The following VWC2L variants were observed in gnomAD, a reference collection of about 807,000 sequenced individuals.
VWC2L encodes von Willebrand factor C domain containing 2 like, also known as von Willebrand factor C domain-containing protein 2-like.
Under a neutral mutation model 21.6 loss-of-function variants are expected in VWC2L, and 10 were observed. The ratio of observed to expected loss-of-function variants is 0.46; its 90% CI spans 0.29 to 0.78. The LOEUF is 0.78. Ranked by LOEUF, VWC2L falls within the 30% of genes least tolerant of loss-of-function variation. The pLI is 0.10. For missense variants in VWC2L, 209 were observed against 277.1 expected, an observed-to-expected ratio of 0.75 and a Z score of 1.74; for synonymous variants, 96 against 94.3, an observed-to-expected ratio of 1.02 and a Z score of -0.10.
intron 3 of VWC2L, among the ~76,000 whole-genome samples, chr2:214,571,696 C>A (rs539214158): frequency 1.3e-5 from 2 of 152,172 alleles, no homozygotes; most frequent in South Asian, 2.1e-4. Flanking sequence ...TTAAACCATA[C>A]CTGACAGATA....
chr2:214,530,594 G>A (rs1244197871), intron 3 of VWC2L, among the ~76,000 whole-genome samples: 3 of 152,050 alleles, frequency 2.0e-5, no homozygotes, highest in Non-Finnish European at 4.4e-5. Flanking sequence ...TTGAGAAAGG[G>A]GCACTAGAAG....
intron 3 of VWC2L, among the ~76,000 whole-genome samples, chr2:214,540,125 T>C (rs1287535382): frequency 6.6e-6 from 1 of 152,154 alleles, no homozygotes; most frequent in South Asian, 2.1e-4. Flanking sequence ...GGTTATTGAA[T>C]AGAACTTACA....
chr2:214,534,357 G>C (rs1376333143), intron 3 of VWC2L, among the ~76,000 whole-genome samples: 2 of 152,062 alleles, frequency 1.3e-5, no homozygotes, highest in African/African-American at 4.8e-5. Context: ...GCATTTCTTT[G>C]GTTTCCAGTT....
intron 3 of VWC2L, among the ~76,000 whole-genome samples, chr2:214,484,186 GACCTCATCTAACTATTATCTGCTA>G (rs1308093531): frequency 2.2e-4 from 33 of 152,086 alleles, no homozygotes; most frequent in African/African-American, 7.5e-4. Flanking sequence ...AATCCAATAT[GACCTCATCTAACTATTATCTGCTA>G]AGACCTCATT....
intron 3 of VWC2L, among the ~76,000 whole-genome samples, chr2:214,466,641 T>A (rs1001977538): frequency 6.6e-6 from 1 of 152,224 alleles, no homozygotes; most frequent in Non-Finnish European, 1.5e-5. Context: ...CTGTTTTCTA[T>A]GTTTTCCATT....
At chr2:214,570,387 A>G (rs1690132665) in intron 3 of VWC2L, among the ~76,000 whole-genome samples, 1 of 152,356 alleles carries the variant, frequency 6.6e-6, no homozygotes, top group Admixed American at 6.5e-5. Context: ...TATTCGAGAT[A>G]GGGTCTCACT....
intron 3 of VWC2L, among the ~76,000 whole-genome samples, chr2:214,440,776 T>TC (rs1702754408): frequency 2.0e-5 from 3 of 152,160 alleles, no homozygotes; most frequent in Admixed American, 1.3e-4. Context: ...AGAATCCATA[T>TC]TTATAGAATG....
intron 3 of VWC2L, among the ~76,000 whole-genome samples, chr2:214,468,522 A>G (rs979433594): frequency 3.9e-5 from 6 of 152,232 alleles, no homozygotes; most frequent in African/African-American, 1.2e-4. Context: ...GCTAAATACA[A>G]TGAAACATTT....
chr2:214,422,614 C>G (rs1029847269), intron 2 of VWC2L, among the ~76,000 whole-genome samples: 1 of 152,270 alleles, frequency 6.6e-6, no homozygotes, highest in Non-Finnish European at 1.5e-5. Context: ...TAATTGGGAA[C>G]TGGCTTATTT....
In VWC2L at chr2:214,467,570, TTA is replaced by T. The variant is rs1400328848; in HGVS notation, c.520+30820_520+30821del. 3.3e-5 allele frequency among the ~76,000 whole-genome samples: 5 copies of T among 152,300 alleles called. No individual in the cohort carries two copies. The East Asian group carries it at 9.6e-4, about 29-fold the overall frequency. On this transcript the variant is annotated intron_variant, in intron 3 of 3. Transcript: ENST00000312504. Reference sequence around the variant, plus strand: ...ATCCAGTGTCTTGAAAATCATTGTTTTATATATATTGATTTTTTTATGGTTTC... The same window carrying T: ...ATCCAGTGTCTTGAAAATCATTGTTTTATATATTGATTTTTTTATGGTTTC...
intron 3 of VWC2L, among the ~76,000 whole-genome samples, chr2:214,510,774 T>A (rs1453706092): frequency 6.6e-6 from 1 of 152,192 alleles, no homozygotes; most frequent in Non-Finnish European, 1.5e-5. Flanking sequence ...ACTAAATAAA[T>A]GAATGAATCC....
chr2:214,462,880 T>A (rs1703162585), intron 3 of VWC2L, among the ~76,000 whole-genome samples: 2 of 152,234 alleles, frequency 1.3e-5, no homozygotes, highest in Admixed American at 6.5e-5. Flanking sequence ...TCTCTTTTAA[T>A]TTATTCTTTG....
intron 3 of VWC2L, among the ~76,000 whole-genome samples, chr2:214,495,934 C>G (rs1387870103): frequency 6.6e-6 from 1 of 152,066 alleles, no homozygotes; most frequent in Non-Finnish European, 1.5e-5. Context: ...ATCCTACATA[C>G]AGTCATGTGT....
chr2:214,578,934 T>TA lies in VWC2L; in HGVS notation c.*3120dup, dbSNP rs1231149200. 1.3e-5 allele frequency: 2 copies of TA among 152,076 alleles called. No individual in the cohort carries two copies. Among genetic ancestry groups the TA allele is most frequent in the Non-Finnish European group, 2.9e-5 (2 of 68,018 alleles). 9.4% of individuals were successfully genotyped at this position (152,076 alleles called of 1,614,324 possible). Reference sequence around the variant, plus strand: ...TTTGATGTGTAAAAGAATATATTATTAAAAAATTATTTTGTTAAATATAAA... The same window carrying TA: ...TTTGATGTGTAAAAGAATATATTATTAAAAAAATTATTTTGTTAAATATAAA... On this transcript the variant is annotated 3_prime_UTR_variant, in exon 4 of 4. Coordinates refer to ENST00000312504, the MANE Select transcript of VWC2L (RefSeq NM_001080500.4).
chr2:214,542,890 T>C (rs1689649927), intron 3 of VWC2L, among the ~76,000 whole-genome samples: 1 of 152,218 alleles, frequency 6.6e-6, no homozygotes, highest in African/African-American at 2.4e-5. Flanking sequence ...TTAGGGTTCA[T>C]TCATTCAAGC....
intron 3 of VWC2L, among the ~76,000 whole-genome samples, chr2:214,537,436 A>G (rs1356616422): frequency 2.0e-5 from 3 of 152,090 alleles, no homozygotes; most frequent in African/African-American, 7.2e-5. Flanking sequence ...CGAAAAAAAA[A>G]AGGCATGTTC....
intron 2 of VWC2L, chr2:214,414,892 A>G (rs1285952373): frequency 3.0e-6 from 1 of 336,674 alleles, no homozygotes; most frequent in Non-Finnish European, 5.5e-6. Context: ...TTCTGATGGG[A>G]ACAATTTTGT....
At chr2:214,461,499 G>T (rs1313439611) in intron 3 of VWC2L, among the ~76,000 whole-genome samples, 1 of 152,172 alleles carries the variant, frequency 6.6e-6, no homozygotes, top group African/African-American at 2.4e-5. Context: ...ATGGTGTTCA[G>T]GTCAGAGCAT....
intron 3 of VWC2L, among the ~76,000 whole-genome samples, chr2:214,461,411 G>T (rs1008012481): frequency 2.0e-5 from 3 of 152,154 alleles, no homozygotes; most frequent in Non-Finnish European, 2.9e-5. Context: ...TGATGAGCTG[G>T]GTAGGCCAGT....
Sources: gnomAD v4.1 joint callset for allele counts (sites outside exome capture counted in the v4.1 genomes callset) on GRCh38, gnomAD v4.1.1 for gene constraint, MANE v1.5 for transcripts, NCBI Gene and HGNC (gene_info 2026-07-23, HGNC 2026-07-21) for gene names.